The following TNKS variants were observed in gnomAD, a reference collection of about 807,000 sequenced individuals.
TNKS encodes poly [ADP-ribose] polymerase tankyrase-1.
TNKS carries 72 observed loss-of-function variants against 135.8 expected under a neutral mutation model. The observed-to-expected ratio is 0.53, with a 90% confidence interval of 0.44 to 0.64. The LOEUF is 0.64. Ranked by LOEUF, TNKS falls within the 30% of genes least tolerant of loss-of-function variation. TNKS has a pLI of 0.00. For synonymous variants in TNKS, 849 were observed against 649.3 expected, an observed-to-expected ratio of 1.31 and a Z score of -4.68; for missense variants, 1,769 against 1,674.0, an observed-to-expected ratio of 1.06 and a Z score of -0.99.
At chr8:9,602,740 A>G (rs142723104) in intron 2 of TNKS, among the ~76,000 whole-genome samples, 363 of 152,356 alleles carry the variant, frequency 2.4e-3, no homozygotes, top group African/African-American at 8.2e-3. Context: ...TTAGCCACAT[A>G]GAAAAGAAAT....
rs774789888 is a variant in TNKS at position 9,735,037 on chromosome 8, A to C, written c.2486A>C (p.Asn829Thr). The C allele has an allele frequency of 6.2e-7, 1 of 1,614,196 alleles. No homozygotes were observed. Among genetic ancestry groups the C allele is most frequent in the Non-Finnish European group, 8.5e-7 (1 of 1,180,022 alleles). ...AAGCTCTGTACCCCAGAGAATATCAACTGCAGAGACACCCAGGGCAGAAAT... is the reference window on the plus strand; with the variant it reads ...AAGCTCTGTACCCCAGAGAATATCACCTGCAGAGACACCCAGGGCAGAAAT... The part of the protein sequence containing the change: ...VQKLCTPENI[N>T]CRDTQGRNST... The change falls in exon 16 of 27, where the codon AAC (asparagine) becomes ACC (threonine). Residue 829 changes from asparagine (N) to threonine (T), a missense_variant. This residue lies in a region of TNKS where 722 missense variants were observed against 688.9 expected (regional missense o/e 1.05). Transcript: ENST00000310430.
chr8:9,602,257 C>T (rs1052817699), intron 2 of TNKS, among the ~76,000 whole-genome samples: 24 of 152,070 alleles, frequency 1.6e-4, no homozygotes, highest in African/African-American at 3.1e-4. Flanking sequence ...TGATTACTTA[C>T]GTAGACAGCA....
chr8:9,741,178 ACTT>A (rs1380853386), intron 17 of TNKS: 2 of 152,252 alleles, frequency 1.3e-5, no homozygotes, highest in Non-Finnish European at 2.9e-5. Flanking sequence ...AATTTTCAGC[ACTT>A]CTTAGCATAA....
intron 5 of TNKS, among the ~76,000 whole-genome samples, chr8:9,695,975 A>G (rs923921574): frequency 1.3e-5 from 2 of 152,234 alleles, no homozygotes; most frequent in Admixed American, 1.3e-4. Flanking sequence ...AAGCATGAGA[A>G]GTCTTACATA....
chr8:9,584,002 A>T (rs936014459), intron 2 of TNKS, among the ~76,000 whole-genome samples: 2 of 151,408 alleles, frequency 1.3e-5, no homozygotes, highest in African/African-American at 2.4e-5. Context: ...GTCTCTACTA[A>T]AAATACAAAA....
intron 1 of TNKS, among the ~76,000 whole-genome samples, chr8:9,570,982 A>G (rs954155378): frequency 1.4e-4 from 22 of 152,228 alleles, no homozygotes; most frequent in African/African-American, 4.8e-4. Flanking sequence ...ATAAAAAAAT[A>G]AATAAAAATC....
chr8:9,776,844 A>C lies in TNKS; in HGVS notation c.*108A>C, dbSNP rs1808247882. The stretch of plus-strand genomic sequence containing the variant: ...TTCTAGAAGTCCCTGACAGCCTAGA[A>C]ATAAGCTGTTTGTCTTCTATAAAGC... On this transcript the variant is annotated 3_prime_UTR_variant, in exon 27 of 27. Coordinates refer to ENST00000310430, the MANE Select transcript of TNKS (RefSeq NM_003747.3). The C allele has an allele frequency of 1.9e-6, 2 of 1,069,720 alleles. No homozygotes were observed. The highest frequency in any genetic ancestry group is 1.6e-5 in the African/African-American group (1 of 63,408). The allele number at this position is 1,069,720 out of a possible 1,614,324, so 66.3% of individuals were successfully genotyped here.
intron 3 of TNKS, among the ~76,000 whole-genome samples, chr8:9,662,670 T>C (rs1801777606): frequency 2.0e-5 from 3 of 152,110 alleles, no homozygotes; most frequent in African/African-American, 4.8e-5. Flanking sequence ...GGGTGCAGCA[T>C]GCCAACATGG....
intron 3 of TNKS, among the ~76,000 whole-genome samples, chr8:9,626,008 C>G (rs1028191388): frequency 6.6e-5 from 10 of 152,112 alleles, no homozygotes; most frequent in African/African-American, 2.2e-4. Context: ...AGTGAAGTTT[C>G]TAACTATAAT....
In TNKS at chr8:9,559,182, A is replaced by C. The variant is rs1439590778; in HGVS notation, c.673+2570A>C. Among the ~76,000 whole-genome samples the C allele has an allele frequency of 2.6e-5, 4 of 152,298 alleles. No individual in the cohort carries two copies. The East Asian group carries it at 7.7e-4, about 29-fold the overall frequency. On this transcript the variant is annotated intron_variant, in intron 1 of 26. Coordinates refer to ENST00000310430, the MANE Select transcript of TNKS (RefSeq NM_003747.3). ...GGAAGCATAAACAACAACAACAACAAAAACCTATAAAGTATCTAGTGTCTA... is the reference window on the plus strand; with the variant it reads ...GGAAGCATAAACAACAACAACAACACAAACCTATAAAGTATCTAGTGTCTA...
At chr8:9,661,466 A>G (rs1273646274) in intron 3 of TNKS, among the ~76,000 whole-genome samples, 1 of 152,084 alleles carries the variant, frequency 6.6e-6, no homozygotes, top group Non-Finnish European at 1.5e-5. Context: ...CAAGCCTGAC[A>G]AAAACAAGCA....
chr8:9,629,347 T>C (rs2128770902), intron 3 of TNKS, among the ~76,000 whole-genome samples: 1 of 152,352 alleles, frequency 6.6e-6, no homozygotes, highest in East Asian at 1.9e-4. Flanking sequence ...CTGCTGTACG[T>C]CAGGCTTCCT....
intron 1 of TNKS, chr8:9,556,961 C>G (rs1815345645): frequency 4.4e-6 from 2 of 450,712 alleles, no homozygotes; most frequent in South Asian, 9.2e-5. Flanking sequence ...CGTTTGTGTG[C>G]TAGTTTATTT....
chr8:9,765,655 T>A (rs775702264), intron 23 of TNKS, 37 bp from the exon 24 acceptor site: 7 of 1,535,892 alleles, frequency 4.6e-6, no homozygotes, highest in Non-Finnish European at 6.3e-6. Context: ...AAATGCACGT[T>A]TCACCGATAA....
At chr8:9,579,000 G>A (rs578212163) in intron 1 of TNKS, among the ~76,000 whole-genome samples, 3 of 152,220 alleles carry the variant, frequency 2.0e-5, no homozygotes, top group South Asian at 4.1e-4. Context: ...TCATGGTACT[G>A]GACTTTGCAT....
intron 3 of TNKS, among the ~76,000 whole-genome samples, chr8:9,625,827 G>A (rs962832550): frequency 2.6e-5 from 4 of 152,024 alleles, no homozygotes; most frequent in South Asian, 4.1e-4. Context: ...CTCAGGACAT[G>A]GACTATTTTT....
chr8:9,598,936 A>G (rs1221478572), intron 2 of TNKS, among the ~76,000 whole-genome samples: 1 of 151,170 alleles, frequency 6.6e-6, no homozygotes, highest in Non-Finnish European at 1.5e-5. Context: ...ATTCACAAAC[A>G]CTGATGAAGT....
intron 9 of TNKS, 147 bp from the exon 10 acceptor site, chr8:9,709,808 G>C (rs1804232216): frequency 3.1e-6 from 2 of 640,376 alleles, no homozygotes; most frequent in Non-Finnish European, 5.4e-6. Context: ...AAAGAATATG[G>C]ATCATCTCTG....
intron 2 of TNKS, among the ~76,000 whole-genome samples, chr8:9,592,153 A>T (rs1014849121): frequency 1.3e-5 from 2 of 152,248 alleles, no homozygotes; most frequent in African/African-American, 4.8e-5. Context: ...ATTGGCAAGT[A>T]TATTTCCAAA....
Sources: allele counts gnomAD v4.1 joint callset (sites outside exome capture counted in the v4.1 genomes callset), GRCh38; gene constraint gnomAD v4.1.1; regional missense constraint gnomAD v4.1.1; transcripts MANE v1.5; gene names NCBI Gene and HGNC (gene_info 2026-07-23, HGNC 2026-07-21).